Variants in C19orf38 observed in about 807,000 individuals in gnomAD.
C19orf38 encodes the protein chromosome 19 open reading frame 38.
C19orf38 carries 14 observed loss-of-function variants against 26.6 expected under a neutral mutation model. The observed-to-expected ratio is 0.53, with a 90% CI of 0.35 to 0.82. C19orf38 has a LOEUF of 0.82. C19orf38 is among the 40% of genes least tolerant of loss of function. The probability of loss-of-function intolerance (pLI) is 0.01; values close to 1 mark genes in which losing one functional copy is unlikely to be tolerated. For synonymous variants in C19orf38, 132 were observed against 128.5 expected, an observed-to-expected ratio of 1.03 and a Z score of -0.18; for missense variants, 261 against 299.5, an observed-to-expected ratio of 0.87 and a Z score of 0.95.
upstream of C19orf38, among the ~76,000 whole-genome samples, chr19:10,845,160 CAA>C (rs200149496): frequency 1.6e-4 from 19 of 122,098 alleles, no homozygotes; most frequent in Non-Finnish European, 1.8e-4. Context: ...ACCTTGTCTC[CAA>C]AAAAAAAAAA....
chr19:10,857,302 A>G (rs1376734829), intron 3 of C19orf38, among the ~76,000 whole-genome samples: 3 of 135,828 alleles, frequency 2.2e-5, no homozygotes, highest in Non-Finnish European at 4.6e-5. Flanking sequence ...GTATATATAT[A>G]TGTGTGTATA....
At chr19:10,867,477 G>T (rs1398217055) in intron 6 of C19orf38, among the ~76,000 whole-genome samples, 2 of 149,952 alleles carry the variant, frequency 1.3e-5, no homozygotes, top group African/African-American at 4.9e-5. Flanking sequence ...AATTAGCCGG[G>T]CATGGTGGCA....
upstream of C19orf38, among the ~76,000 whole-genome samples, chr19:10,844,895 C>T (rs755200488): frequency 4.0e-5 from 6 of 148,960 alleles, no homozygotes; most frequent in Non-Finnish European, 8.9e-5. Flanking sequence ...TGGTGGCTTA[C>T]GCCTGTAATC....
intron 4 of C19orf38, among the ~76,000 whole-genome samples, chr19:10,859,372 ATATATATATATATT>A (rs1368602791): frequency 0.11 from 5,861 of 54,798 alleles, 240 homozygotes; most frequent in Non-Finnish European, 0.13. Flanking sequence ...ATATATATAT[ATATATATATATATT>A]TTTTTTTTTT....
chr19:10,859,382 ATATTTTTTT>A (rs2073673056), intron 4 of C19orf38, among the ~76,000 whole-genome samples: 4 of 26,168 alleles, frequency 1.5e-4, no homozygotes, highest in African/African-American at 3.6e-4. Flanking sequence ...ATATATATAT[ATATTTTTTT>A]TTTTTTTTTT....
upstream of C19orf38, among the ~76,000 whole-genome samples, chr19:10,844,993 CAAAAAAA>C (rs57500129): frequency 1.0e-5 from 1 of 95,806 alleles, no homozygotes; most frequent in Non-Finnish European, 2.2e-5. Context: ...CCTTTCTCTA[CAAAAAAA>C]AAAAAAAAAT....
At chr19:10,850,952 T>TTG (rs1331792092) in intron 2 of C19orf38, among the ~76,000 whole-genome samples, 2 of 152,194 alleles carry the variant, frequency 1.3e-5, no homozygotes, top group Non-Finnish European at 2.9e-5. Flanking sequence ...GGTACACACC[T>TTG]TGTACACAGG....
At chr19:10,866,338 G>A (rs907258171) in intron 6 of C19orf38, among the ~76,000 whole-genome samples, 1 of 150,082 alleles carries the variant, frequency 6.7e-6, no homozygotes, top group Non-Finnish European at 1.5e-5. Flanking sequence ...TTACAGGCGA[G>A]CGCCAGCATG....
chr19:10,862,403 T>C (rs1416168855), intron 5 of C19orf38, among the ~76,000 whole-genome samples: 1 of 151,798 alleles, frequency 6.6e-6, no homozygotes, highest in Non-Finnish European at 1.5e-5. Flanking sequence ...AGACAAAAAA[T>C]TATGTTGCCC....
At chr19:10,857,261 T>C (rs2073634647) in intron 3 of C19orf38, among the ~76,000 whole-genome samples, 1 of 148,024 alleles carries the variant, frequency 6.8e-6, no homozygotes, top group Admixed American at 6.8e-5. Flanking sequence ...TGTGTGTGTG[T>C]GTATGTGTGT....
chr19:10,857,922 GAAA>G (rs2146264622), intron 3 of C19orf38, among the ~76,000 whole-genome samples: 1 of 148,098 alleles, frequency 6.8e-6, no homozygotes, highest in African/African-American at 2.5e-5. Flanking sequence ...AAGAAAGAAA[GAAA>G]GAAAGAAAAA....
At chr19:10,858,776 C>T (rs767436965) in intron 4 of C19orf38, among the ~76,000 whole-genome samples, 5 of 152,030 alleles carry the variant, frequency 3.3e-5, no homozygotes, top group Non-Finnish European at 7.4e-5. Context: ...GGTGATGGCC[C>T]AGGTTCCTGG....
intron 6 of C19orf38, among the ~76,000 whole-genome samples, chr19:10,866,680 G>T (rs139420375): frequency 6.7e-6 from 1 of 149,568 alleles, no homozygotes; most frequent in Non-Finnish European, 1.5e-5. Flanking sequence ...ACGGAGTTTC[G>T]CAATTATCGT....
chr19:10,842,081 G>A lies in C19orf38; in HGVS notation c.-69+5311G>A, dbSNP rs972574708. ...TTTCAGTGGAATTATTGGACAGTAT[G>A]GCTCAGCAGACTCCCGTAGGTAATG... On this transcript the variant is annotated intron_variant, in intron 1 of 7. Transcript: ENST00000592854. The A allele has an allele frequency of 5.6e-6, 9 of 1,596,584 alleles. No individual in the cohort carries two copies. In the African/African-American group the frequency reaches 1.2e-4, roughly 21 times the overall value.
intron 5 of C19orf38, 45 bp downstream of exon 5, chr19:10,860,003 C>T (rs910728319): frequency 1.3e-6 from 2 of 1,511,926 alleles, no homozygotes; most frequent in African/African-American, 1.4e-5. Context: ...AAGGATTACA[C>T]CTCCAAATGC....
intron 1 of C19orf38, chr19:10,841,754 C>G: frequency 2.7e-6 from 2 of 746,120 alleles, no homozygotes; most frequent in Non-Finnish European, 4.5e-6. Context: ...GGGAGGATCT[C>G]TTGAGCCCAG....
intron 4 of C19orf38, 79 bp downstream of exon 4, chr19:10,858,422 C>A (rs957794357): frequency 2.9e-6 from 4 of 1,363,788 alleles, no homozygotes; most frequent in Non-Finnish European, 4.0e-6. Context: ...GCACTCCATG[C>A]CCCCCACAAA....
At chr19:10,843,161 A>G (rs1281376331) in intron 1 of C19orf38, among the ~76,000 whole-genome samples, 1 of 152,222 alleles carries the variant, frequency 6.6e-6, no homozygotes, top group Non-Finnish European at 1.5e-5. Flanking sequence ...ACACCACTCA[A>G]AGGTGGGTCC....
rs930635661 is a variant in C19orf38 at position 10,869,477 on chromosome 19, G to A, written c.*110G>A. On this transcript the variant is annotated 3_prime_UTR_variant, in exon 7 of 7. Transcript: ENST00000397820. Reference sequence around the variant, plus strand: ...CACTTTCTCAGGGAATTGGACAGAGGAAAGGAAGGGGAACCCTGGCCTTGG... The same window carrying A: ...CACTTTCTCAGGGAATTGGACAGAGAAAAGGAAGGGGAACCCTGGCCTTGG... The A allele has an allele frequency of 7.3e-7, 1 of 1,365,480 alleles. No individual in the cohort carries two copies. Among genetic ancestry groups the A allele is most frequent in the South Asian group, 1.5e-5 (1 of 65,610 alleles). The allele number at this position is 1,365,480 out of a possible 1,614,324, so 84.6% of individuals were successfully genotyped here.
Sources: gnomAD v4.1 joint callset for allele counts (sites outside exome capture counted in the v4.1 genomes callset) on GRCh38, gnomAD v4.1.1 for gene constraint, MANE v1.5 for transcripts, NCBI Gene and HGNC (gene_info 2026-07-23, HGNC 2026-07-21) for gene names.